The following STUM variants were observed in gnomAD, a reference collection of about 807,000 sequenced individuals.
STUM encodes the protein protein stum homolog.
In STUM, 8 loss-of-function variants were observed where a neutral mutation model predicts 15.3. The ratio of observed to expected loss-of-function variants is 0.52; its 90% CI spans 0.31 to 0.94. The LOEUF is 0.94. STUM is among the 40% of genes least tolerant of loss of function. The pLI is 0.05. For synonymous variants in STUM, 78 were observed against 88.7 expected, an observed-to-expected ratio of 0.88 and a Z score of 0.68; for missense variants, 142 against 204.9, an observed-to-expected ratio of 0.69 and a Z score of 1.87.
At chr1:226,601,591 C>T (rs370426846) in intron 3 of STUM, among the ~76,000 whole-genome samples, 1 of 152,258 alleles carries the variant, frequency 6.6e-6, no homozygotes, top group East Asian at 1.9e-4. Flanking sequence ...CCTCTGTATG[C>T]CATCTTCCTC....
At chr1:226,598,129 T>C (rs76484798) in intron 2 of STUM, among the ~76,000 whole-genome samples, 36 of 152,344 alleles carry the variant, frequency 2.4e-4, no homozygotes, top group Admixed American at 1.1e-3. Context: ...GGGGCGACTT[T>C]CATTTGTCTG....
chr1:226,596,694 C>G, intron 1 of STUM, 108 bp from the exon 2 acceptor site: 1 of 1,011,526 alleles, frequency 9.9e-7, no homozygotes, highest in Non-Finnish European at 1.5e-6. Context: ...GGTGGTTCTT[C>G]TCTGAGTTCT....
intron 1 of STUM, among the ~76,000 whole-genome samples, chr1:226,554,639 A>G (rs531405857): frequency 5.9e-5 from 9 of 152,326 alleles, no homozygotes; most frequent in African/African-American, 1.4e-4. Flanking sequence ...AAAAAGCAAT[A>G]TAAGTGTACT....
At chr1:226,563,455 G>A (rs557322800) in intron 1 of STUM, among the ~76,000 whole-genome samples, 131 of 152,348 alleles carry the variant, frequency 8.6e-4, no homozygotes, top group Middle Eastern at 3.4e-3. Flanking sequence ...AGTATGAGGT[G>A]TTTTTCTGCT....
At chr1:226,558,556 G>A (rs1038508691) in intron 1 of STUM, among the ~76,000 whole-genome samples, 8 of 152,166 alleles carry the variant, frequency 5.3e-5, no homozygotes, top group Non-Finnish European at 1.2e-4. Flanking sequence ...CACACCAACT[G>A]GAAGCTTTCT....
chr1:226,594,408 G>T (rs529998488), intron 1 of STUM, among the ~76,000 whole-genome samples: 1 of 152,208 alleles, frequency 6.6e-6, no homozygotes, highest in African/African-American at 2.4e-5. Flanking sequence ...AGAATCGAAC[G>T]TGAGGAATGT....
chr1:226,555,238 A>G (rs902431155), intron 1 of STUM, among the ~76,000 whole-genome samples: 2 of 152,300 alleles, frequency 1.3e-5, no homozygotes, highest in East Asian at 3.9e-4. Context: ...GATCTTGCCC[A>G]GCCTCTGGGC....
Position 226,565,999 on chromosome 1 carries a change from T to G in STUM, c.202+16893T>G, listed in dbSNP as rs1257961963. 6.6e-6 allele frequency among the ~76,000 whole-genome samples: 1 copy of G among 152,226 alleles called. No homozygotes were observed. Among genetic ancestry groups the G allele is most frequent in the African/African-American group, 2.4e-5 (1 of 41,460 alleles). On this transcript the variant is annotated intron_variant, in intron 1 of 3. Transcript: ENST00000366788. The surrounding 1 kb of genome is among the most constrained non-coding windows in gnomAD (Gnocchi z 4.4). ...GAAGATATTGAAAGCAAATCGCTAC[T>G]CAGTCCAGGGTACTCCCCTCTCCCT...
chr1:226,599,738 C>T (rs560143777), intron 2 of STUM, among the ~76,000 whole-genome samples: 1 of 152,336 alleles, frequency 6.6e-6, no homozygotes, highest in East Asian at 1.9e-4. Context: ...CAACAACACC[C>T]TGTCTTGGTC....
chr1:226,591,165 G>A (rs1397121235), intron 1 of STUM, among the ~76,000 whole-genome samples: 1 of 152,218 alleles, frequency 6.6e-6, no homozygotes, highest in African/African-American at 2.4e-5. Context: ...CTGCTGAAGA[G>A]ATTAAAACAG....
At chr1:226,573,658 A>T (rs1417011804) in intron 1 of STUM, among the ~76,000 whole-genome samples, 3 of 152,144 alleles carry the variant, frequency 2.0e-5, no homozygotes, top group Non-Finnish European at 2.9e-5. Flanking sequence ...TTTAATTTTT[A>T]AAATAAAAAT....
chr1:226,551,912 C>T (rs954569571), intron 1 of STUM, among the ~76,000 whole-genome samples: 4 of 152,126 alleles, frequency 2.6e-5, no homozygotes, highest in Non-Finnish European at 4.4e-5. Context: ...AAATCTATCA[C>T]GTGTCCTCAG....
chr1:226,596,263 G>GTAC (rs3068293), intron 1 of STUM, among the ~76,000 whole-genome samples: 122 of 151,396 alleles, frequency 8.1e-4, no homozygotes, highest in African/African-American at 2.8e-3. Flanking sequence ...ACTGCACAGT[G>GTAC]TACTACTACT....
chr1:226,559,376 C>T (rs1255003416), intron 1 of STUM, among the ~76,000 whole-genome samples: 3 of 152,210 alleles, frequency 2.0e-5, no homozygotes, highest in African/African-American at 7.2e-5. Context: ...AGGCCTCCTA[C>T]CACGTCGAAG....
At position 226,577,814 on chromosome 1, in the gene STUM, G is replaced by A. The variant is rs536086842; in HGVS notation, c.203-18988G>A. ...GACAAATGGGTTGTTCTGTGGGGGGGATGGTTGTTCTATGGGATGAAGGAG... is the reference window on the plus strand; with the variant it reads ...GACAAATGGGTTGTTCTGTGGGGGGAATGGTTGTTCTATGGGATGAAGGAG... On this transcript the variant is annotated intron_variant, in intron 1 of 3. Coordinates refer to ENST00000366788, the MANE Select transcript of STUM (RefSeq NM_001003665.4). Among the ~76,000 whole-genome samples, 97 of 151,388 alleles carry A rather than the reference G, an allele frequency of 6.4e-4. 1 individual carries two copies. The highest frequency in any genetic ancestry group is 1.3e-3 in the South Asian group (6 of 4,696).
chr1:226,606,688 T>A lies in STUM; in HGVS notation c.*4648T>A, dbSNP rs572926922. ...CGGCACCTAAGCTTCCCAGAGACCA[T>A]GACCTTGTATGTGGCTGGAGGCCTC... is the stretch of plus-strand genomic sequence containing the variant. On this transcript the variant is annotated 3_prime_UTR_variant, in exon 4 of 4. Transcript: ENST00000366788. The A allele has an allele frequency of 6.6e-6, 1 of 152,244 alleles. No homozygotes were observed. The highest frequency in any genetic ancestry group is 2.4e-5 in the African/African-American group (1 of 41,540). The allele number at this position is 152,244 out of a possible 1,614,324, so 9.4% of individuals were successfully genotyped here.
At chr1:226,583,802 G>A (rs1182710675) in intron 1 of STUM, among the ~76,000 whole-genome samples, 7 of 152,186 alleles carry the variant, frequency 4.6e-5, no homozygotes, top group Admixed American at 1.3e-4. Context: ...GCTCTGGGAC[G>A]GGGGATGGGA....
In STUM at chr1:226,567,789, GCCTA is replaced by G. The variant is rs1231577077; in HGVS notation, c.202+18684_202+18687del. 6.6e-5 allele frequency among the ~76,000 whole-genome samples: 10 copies of G among 152,212 alleles called. No individual in the cohort carries two copies. Among genetic ancestry groups the G allele is most frequent in the Non-Finnish European group, 2.9e-5 (2 of 68,034 alleles). On this transcript the variant is annotated intron_variant, in intron 1 of 3. Coordinates refer to ENST00000366788, the MANE Select transcript of STUM (RefSeq NM_001003665.4). This position sits in a 1 kb window ranked among gnomAD's most constrained non-coding sequence, Gnocchi z 4.5. ...GGTCACGCATTTGGCACCAGATGCT[GCCTA>G]ATTGAACACCTGAACACAGCTGAGG...
At chr1:226,555,090 C>T (rs996204863) in intron 1 of STUM, among the ~76,000 whole-genome samples, 4 of 152,122 alleles carry the variant, frequency 2.6e-5, no homozygotes, top group East Asian at 1.9e-4. Flanking sequence ...AGCACTACTC[C>T]CTCCTAGTTT....
Sources: allele counts gnomAD v4.1 joint callset (sites outside exome capture counted in the v4.1 genomes callset), GRCh38; gene constraint gnomAD v4.1.1; non-coding constraint Gnocchi (gnomAD v3.1); transcripts MANE v1.5; gene names NCBI Gene and HGNC (gene_info 2026-07-23, HGNC 2026-07-21).